The following OPCML variants were observed in gnomAD, a reference collection of about 807,000 sequenced individuals.
The protein encoded by OPCML is opioid-binding protein/cell adhesion molecule.
Under a neutral mutation model 37.8 loss-of-function variants are expected in OPCML, and 13 were observed. The ratio of observed to expected loss-of-function variants is 0.34; its 90% CI spans 0.22 to 0.55. OPCML has a LOEUF of 0.55. Ranked by LOEUF, OPCML falls within the 20% of genes least tolerant of loss-of-function variation. The pLI is 0.91. For synonymous variants in OPCML, 176 were observed against 168.8 expected (o/e 1.04, Z -0.33); for missense variants, 341 against 435.6 (o/e 0.78, Z 1.93).
intron 1 of OPCML, among the ~76,000 whole-genome samples, chr11:133,417,413 CA>C (rs375870491): frequency 6.8e-4 from 103 of 152,254 alleles, no homozygotes; most frequent in African/African-American, 2.4e-3. Flanking sequence ...AAAGAGAATG[CA>C]TAATTTGCCC....
At chr11:132,447,434 G>A (rs2096058300) in intron 4 of OPCML, among the ~76,000 whole-genome samples, 1 of 151,992 alleles carries the variant, frequency 6.6e-6, no homozygotes, top group Non-Finnish European at 1.5e-5. Flanking sequence ...GAATACCTGG[G>A]ACTACAGGTG....
intron 2 of OPCML, among the ~76,000 whole-genome samples, chr11:132,924,114 A>AG (rs894663749): frequency 8.2e-6 from 1 of 121,804 alleles, no homozygotes; most frequent in African/African-American, 3.2e-5. Flanking sequence ...ACATCAACTG[A>AG]GGAAAAAAAA....
intron 1 of OPCML, among the ~76,000 whole-genome samples, chr11:133,016,024 T>C (rs1947328093): frequency 1.3e-5 from 2 of 152,228 alleles, no homozygotes; most frequent in Non-Finnish European, 2.9e-5. Flanking sequence ...TACATATTAA[T>C]TGGCTGTACA....
chr11:132,572,156 A>G, intron 3 of OPCML, among the ~76,000 whole-genome samples: 1 of 151,268 alleles, frequency 6.6e-6, no homozygotes, highest in East Asian at 1.9e-4. Context: ...TTACATATTA[A>G]TATTTTTAGA....
chr11:132,950,221 G>A (rs1175181797), intron 1 of OPCML, among the ~76,000 whole-genome samples: 1 of 152,152 alleles, frequency 6.6e-6, no homozygotes, highest in Non-Finnish European at 1.5e-5. Flanking sequence ...CTGTGTAGAG[G>A]ACTAGATTGC....
intron 3 of OPCML, among the ~76,000 whole-genome samples, chr11:132,555,028 G>A (rs924451468): frequency 1.3e-5 from 2 of 152,014 alleles, no homozygotes; most frequent in African/African-American, 4.8e-5. Flanking sequence ...ATAATGTCAA[G>A]AGATCCATGG....
intron 1 of OPCML, among the ~76,000 whole-genome samples, chr11:133,037,116 G>A (rs1199872983): frequency 1.3e-5 from 2 of 152,180 alleles, no homozygotes; most frequent in Non-Finnish European, 2.9e-5. Flanking sequence ...GGGCATTGAG[G>A]ATAGTGAAAG....
intron 3 of OPCML, among the ~76,000 whole-genome samples, chr11:132,599,964 C>T (rs1937739237): frequency 6.6e-6 from 1 of 152,056 alleles, no homozygotes; most frequent in African/African-American, 2.4e-5. Flanking sequence ...ATTTTGCCTT[C>T]AAATGAAATG....
At chr11:133,102,438 A>T (rs1949096750) in intron 1 of OPCML, among the ~76,000 whole-genome samples, 1 of 152,182 alleles carries the variant, frequency 6.6e-6, no homozygotes, top group African/African-American at 2.4e-5. Context: ...CTATTCTGGG[A>T]AATGCATTCT....
At chr11:132,468,563 TA>T (rs1565587656) in intron 4 of OPCML, among the ~76,000 whole-genome samples, 1 of 152,224 alleles carries the variant, frequency 6.6e-6, no homozygotes, top group South Asian at 2.1e-4. Flanking sequence ...AAATCAATGT[TA>T]AAAATCTTTA....
At position 132,709,150 on chromosome 11, in the gene OPCML, C is replaced by T. The variant is rs112993811; in HGVS notation, c.147-51831G>A. ...TGCATAGCAGATAACCCGGTGCCTC[C>T]ACCTACATTTGTGGAACACCTTTCA... On this transcript the variant is annotated intron_variant, in intron 2 of 7. Coordinates refer to ENST00000524381, the MANE Select transcript of OPCML (RefSeq NM_001012393.5). 7.9e-5 allele frequency among the ~76,000 whole-genome samples: 12 copies of T among 152,342 alleles called. 1 individual carries two copies. The highest frequency in any genetic ancestry group is 2.9e-4 in the African/African-American group (12 of 41,574).
intron 4 of OPCML, among the ~76,000 whole-genome samples, chr11:132,452,513 C>T (rs1395552281): frequency 7.1e-6 from 1 of 140,108 alleles, no homozygotes; most frequent in African/African-American, 2.6e-5. Flanking sequence ...TTCCTTCCTT[C>T]CTTCCTTCCT....
chr11:133,415,349 G>A (rs1160546823), intron 1 of OPCML, among the ~76,000 whole-genome samples: 1 of 151,830 alleles, frequency 6.6e-6, no homozygotes, highest in Admixed American at 6.6e-5. Flanking sequence ...GGCAGAACTT[G>A]CAGTGAGCCG....
chr11:133,046,602 C>A (rs1948022443), intron 1 of OPCML, among the ~76,000 whole-genome samples: 3 of 152,180 alleles, frequency 2.0e-5, no homozygotes, highest in Admixed American at 2.0e-4. Flanking sequence ...CATTTACCAG[C>A]TAACACTTTG....
At chr11:132,680,621 AT>A (rs1299415355) in intron 2 of OPCML, among the ~76,000 whole-genome samples, 1 of 152,186 alleles carries the variant, frequency 6.6e-6, no homozygotes, top group East Asian at 1.9e-4. Context: ...CTCAGCTGTA[AT>A]TGTGATGATT....
chr11:132,923,083 T>A (rs928880536), intron 2 of OPCML, among the ~76,000 whole-genome samples: 21 of 117,470 alleles, frequency 1.8e-4, no homozygotes, highest in East Asian at 4.7e-4. Flanking sequence ...CAGAAAAAAA[T>A]AAATAAATAA....
At chr11:133,442,032 T>TAAA (rs1331390956) in intron 1 of OPCML, among the ~76,000 whole-genome samples, 2 of 152,224 alleles carry the variant, frequency 1.3e-5, no homozygotes, top group Non-Finnish European at 2.9e-5. Flanking sequence ...GGCCAGCCAC[T>TAAA]GTTTTAGGGT....
chr11:133,404,124 A>G (rs965894763), intron 1 of OPCML, among the ~76,000 whole-genome samples: 3 of 151,272 alleles, frequency 2.0e-5, no homozygotes, highest in African/African-American at 7.3e-5. Context: ...CATGGCTCCA[A>G]TCCGGCCTCA....
chr11:133,350,890 G>A (rs1944121546), intron 1 of OPCML, among the ~76,000 whole-genome samples: 2 of 152,166 alleles, frequency 1.3e-5, no homozygotes, highest in Admixed American at 1.3e-4. Context: ...ACTGTGTGAT[G>A]GCTCACACAG....
Sources: allele counts gnomAD v4.1 joint callset (sites outside exome capture counted in the v4.1 genomes callset), GRCh38; gene constraint gnomAD v4.1.1; transcripts MANE v1.5; gene names NCBI Gene and HGNC (gene_info 2026-07-23, HGNC 2026-07-21).